The following MYOM2 variants were observed in gnomAD, a reference collection of about 807,000 sequenced individuals.
The protein encoded by MYOM2 is myomesin 2, also known as myomesin-2.
In MYOM2, 254 loss-of-function variants were observed where a neutral mutation model predicts 187.6. The observed-to-expected ratio is 1.35, with a 90% CI of 1.22 to 1.50. The LOEUF is 1.50. Among genes scored for constraint, MYOM2 ranks in the 40% most tolerant of loss-of-function variants. The probability of loss-of-function intolerance (pLI) is 0.00; values close to 1 mark genes in which losing one functional copy is unlikely to be tolerated. For synonymous variants in MYOM2, 981 were observed against 753.8 expected (o/e 1.30, Z -4.94); for missense variants, 2,796 against 1,924.0 (o/e 1.45, Z -8.48).
In MYOM2 at chr8:2,123,662, G is replaced by GTT. The variant is rs781026309; in HGVS notation, c.3655+21_3655+22dup. ...GCAAAGGTAAAAGAAAACCTCCTTT[G>GTT]TTCTGTGAACAAGAAATTCCTTTCA... On this transcript the variant is annotated intron_variant, in intron 30 of 36. Transcript: ENST00000262113. 5.0e-6 allele frequency: 8 copies of GTT among 1,606,528 alleles called. No homozygotes were observed. The highest frequency in any genetic ancestry group is 6.8e-6 in the Non-Finnish European group (8 of 1,173,268).
intron 3 of MYOM2, among the ~76,000 whole-genome samples, chr8:2,052,720 T>C (rs576606489): frequency 2.6e-4 from 40 of 152,240 alleles, no homozygotes; most frequent in African/African-American, 8.7e-4. Flanking sequence ...CCTAGCAGTG[T>C]GAGAGTAATT....
rs766711606 is a variant in MYOM2, at chr8:2,106,289, C to T, written c.2782C>T (p.Leu928=). The T allele has an allele frequency of 6.2e-7, 1 of 1,614,184 alleles. No individual in the cohort carries two copies. The highest frequency in any genetic ancestry group is 2.2e-5 in the East Asian group (1 of 44,878). ...AGVDEQGNIY[L]GFDCQEMTDA... is the part of the protein sequence containing the mutation. ...TGTCGATGAACAAGGCAACATCTAT[C>T]TGGGCTTCGACTGCCAGGAAATGAC... The change falls in exon 22 of 37, where the codon CTG becomes TTG. Residue 928 remains leucine, a synonymous_variant. Coordinates refer to ENST00000262113, the MANE Select transcript of MYOM2 (RefSeq NM_003970.4).
chr8:2,065,378 G>C (rs1357918824), intron 6 of MYOM2, among the ~76,000 whole-genome samples: 1 of 152,164 alleles, frequency 6.6e-6, no homozygotes, highest in Non-Finnish European at 1.5e-5. Flanking sequence ...AGACCAGCCT[G>C]AGCAACATGG....
At position 2,085,356 on chromosome 8, in the gene MYOM2, G is replaced by T; in HGVS notation, c.1610G>T (p.Arg537Leu). The T allele has an allele frequency of 6.2e-7, 1 of 1,613,592 alleles. No homozygotes were observed. The highest frequency in any genetic ancestry group is 8.5e-7 in the Non-Finnish European group (1 of 1,179,884). The change falls in exon 14 of 37, where the codon CGT (arginine) becomes CTT (leucine). Residue 537 changes from arginine (R) to leucine (L), a missense_variant. Coordinates refer to ENST00000262113, the MANE Select transcript of MYOM2 (RefSeq NM_003970.4). Reference sequence around the variant, plus strand: ...CTCAGCTGGGAGCCACCCACTCCCCGTGGCAAGGACCCGCTCATGTACTTC... The same window carrying T: ...CTCAGCTGGGAGCCACCCACTCCCCTTGGCAAGGACCCGCTCATGTACTTC... The part of the protein sequence containing the change: ...VVLSWEPPTP[R>L]GKDPLMYFIE...
chr8:2,056,776 C>T (rs555028253), intron 3 of MYOM2, among the ~76,000 whole-genome samples: 3 of 152,208 alleles, frequency 2.0e-5, no homozygotes, highest in Admixed American at 6.5e-5. Flanking sequence ...TCAATAGCAC[C>T]GTTAGCCCAG....
At chr8:2,088,694 T>C (rs1796181862) in intron 14 of MYOM2, among the ~76,000 whole-genome samples, 1 of 152,228 alleles carries the variant, frequency 6.6e-6, no homozygotes. Flanking sequence ...GTCCATGTCT[T>C]TACTTTTGAG....
At position 2,133,237 on chromosome 8, in the gene MYOM2, C is replaced by G. The variant is rs186388986; in HGVS notation, c.3800+4005C>G. 1.3e-3 allele frequency among the ~76,000 whole-genome samples: 192 copies of G among 152,340 alleles called. 1 individual carries two copies. The highest frequency in any genetic ancestry group is 3.4e-3 in the Middle Eastern group (1 of 294). ...GCTCTTCCCAAAGGAGGTCTGCATT[C>G]CTCAACACTGTCCTCTCCAGCCTAG... is the stretch of plus-strand genomic sequence containing the variant. On this transcript the variant is annotated intron_variant, in intron 32 of 36. Transcript: ENST00000262113.
intron 11 of MYOM2, among the ~76,000 whole-genome samples, chr8:2,078,056 A>G (rs1819494723): frequency 1.3e-5 from 2 of 152,102 alleles, no homozygotes; most frequent in Non-Finnish European, 2.9e-5. Flanking sequence ...TTTCTGAACT[A>G]GCTCTTTTCT....
intron 1 of MYOM2, among the ~76,000 whole-genome samples, chr8:2,047,683 A>C (rs966458756): frequency 6.6e-6 from 1 of 152,212 alleles, no homozygotes; most frequent in Non-Finnish European, 1.5e-5. Flanking sequence ...CAGGGAATAC[A>C]TGTGGGGATA....
At chr8:2,076,041 C>T (rs375737615) in intron 10 of MYOM2, 100 bp from the exon 11 acceptor site, 48 of 1,181,866 alleles carry the variant, frequency 4.1e-5, no homozygotes, top group Admixed American at 5.7e-5. Flanking sequence ...GTGGTCAAAT[C>T]AAGGGGATAG....
intron 11 of MYOM2, among the ~76,000 whole-genome samples, chr8:2,077,833 C>T (rs1385969081): frequency 2.6e-5 from 4 of 152,236 alleles, no homozygotes; most frequent in African/African-American, 4.8e-5. Context: ...TCTGCCCTTC[C>T]TTTGGGCTTA....
rs772575846 is a variant in MYOM2 at position 2,106,591 on chromosome 8, C to A, written c.2992C>A (p.Pro998Thr). ...DGVSSSFVLDPEELERLMALS... is the reference protein window; with the variant it reads ...DGVSSSFVLDTEELERLMALS... ...AGTGTCCTCCAGTTTTGTTCTGGACCCAGAAGGTAATATTTATATGGCAGA... is the reference window on the plus strand; with the variant it reads ...AGTGTCCTCCAGTTTTGTTCTGGACACAGAAGGTAATATTTATATGGCAGA... The change falls in exon 23 of 37, where the codon CCA (proline) becomes ACA (threonine). Residue 998 changes from proline (P) to threonine (T), a missense_variant. Transcript: ENST00000262113. 6.3e-6 allele frequency: 10 copies of A among 1,597,846 alleles called. No homozygotes were observed. In the East Asian group the frequency reaches 1.6e-4, roughly 25 times the overall value.
chr8:2,082,471 A>C (rs971180219), intron 13 of MYOM2, among the ~76,000 whole-genome samples: 2 of 152,142 alleles, frequency 1.3e-5, no homozygotes, highest in African/African-American at 4.8e-5. Context: ...ACAGAAACTC[A>C]TTACTGTTGC....
At chr8:2,076,361 C>G (rs950456537) in intron 11 of MYOM2, 79 bp downstream of exon 11, 1 of 1,520,682 alleles carries the variant, frequency 6.6e-7, no homozygotes, top group Non-Finnish European at 8.9e-7. Context: ...AGAAATTTTT[C>G]TCAATGCAGG....
chr8:2,137,940 G>A (rs1365824139), intron 32 of MYOM2, among the ~76,000 whole-genome samples: 1 of 152,114 alleles, frequency 6.6e-6, no homozygotes, highest in Non-Finnish European at 1.5e-5. Context: ...CTCCTCACAC[G>A]CCACGGTTTG....
chr8:2,100,746 T>A (rs556179598), intron 19 of MYOM2, 130 bp from the exon 20 acceptor site: 5 of 829,604 alleles, frequency 6.0e-6, no homozygotes, highest in Non-Finnish European at 9.6e-6. Flanking sequence ...AAACATCAGA[T>A]GGGGAACAGA....
intron 14 of MYOM2, among the ~76,000 whole-genome samples, chr8:2,086,662 G>A (rs1381001347): frequency 6.6e-6 from 1 of 152,280 alleles, no homozygotes; most frequent in African/African-American, 2.4e-5. Flanking sequence ...CAGGGGGCTG[G>A]GTTGCGTCCT....
Position 2,109,381 on chromosome 8 carries a change from T to C in MYOM2, c.3044-14T>C. Reference sequence around the variant, plus strand: ...TCATGCATTATTGACTTGCGATTTCTTTTCTTCCTGTAGCAATTCCTCTGA... The same window carrying C: ...TCATGCATTATTGACTTGCGATTTCCTTTCTTCCTGTAGCAATTCCTCTGA... On this transcript the variant is annotated splice_polypyrimidine_tract_variant and intron_variant, in intron 24 of 36. Coordinates refer to ENST00000262113, the MANE Select transcript of MYOM2 (RefSeq NM_003970.4). The C allele has an allele frequency of 6.3e-7, 1 of 1,591,982 alleles. No homozygotes were observed. Among genetic ancestry groups the C allele is most frequent in the Non-Finnish European group, 8.5e-7 (1 of 1,170,382 alleles).
chr8:2,052,622 G>T (rs962719746), intron 3 of MYOM2, among the ~76,000 whole-genome samples: 2 of 152,278 alleles, frequency 1.3e-5, no homozygotes, highest in Non-Finnish European at 2.9e-5. Flanking sequence ...GTCCCAGCTG[G>T]GCTTAGAGCT....
Sources: allele counts gnomAD v4.1 joint callset (sites outside exome capture counted in the v4.1 genomes callset), GRCh38; gene constraint gnomAD v4.1.1; transcripts MANE v1.5; gene names NCBI Gene and HGNC (gene_info 2026-07-23, HGNC 2026-07-21).